The following LIMA1 variants were observed in gnomAD, a reference collection of about 807,000 sequenced individuals.
The protein encoded by LIMA1 is LIM domain and actin binding 1.
A neutral mutation model predicts 62.6 loss-of-function variants in LIMA1; 52 were observed. The ratio of observed to expected loss-of-function variants is 0.83; its 90% CI spans 0.67 to 1.05. The LOEUF is 1.05. Ranked by LOEUF, LIMA1 falls within the 50% of genes least tolerant of loss-of-function variation. The pLI is 0.00. For synonymous variants in LIMA1, 302 were observed against 317.8 expected, an observed-to-expected ratio of 0.95 and a Z score of 0.53; for missense variants, 780 against 902.2, an observed-to-expected ratio of 0.86 and a Z score of 1.74.
rs1487567181 is a variant in LIMA1, at chr12:50,177,882, G to T, written c.1462C>A (p.Pro488Thr). The T allele has an allele frequency of 6.2e-6, 10 of 1,613,428 alleles. No homozygotes were observed. The highest frequency in any genetic ancestry group is 8.5e-6 in the Non-Finnish European group (10 of 1,179,744). Residue 488 changes from proline (P) to threonine (T), a missense_variant, in exon 11 of 11, where the codon CCT (proline) becomes ACT (threonine). Pro to Thr is a conservative substitution (Grantham distance 38). Coordinates refer to ENST00000341247, the MANE Select transcript of LIMA1 (RefSeq NM_016357.5). ...GCATCTTCTACCCCTGGGCTGTGAG[G>T]GGTCTCCCTTGCATTTGCAAGCTGG... ...PAQLANARETPHSPGVEDAPI... is the reference protein window; with the variant it reads ...PAQLANARETTHSPGVEDAPI...
intron 1 of LIMA1, among the ~76,000 whole-genome samples, chr12:50,249,237 G>C (rs899414535): frequency 6.6e-6 from 1 of 152,184 alleles, no homozygotes; most frequent in Non-Finnish European, 1.5e-5. Context: ...AGAGCTGGGG[G>C]CGCAGCGTGG....
intron 1 of LIMA1, among the ~76,000 whole-genome samples, chr12:50,269,525 A>G (rs1942178312): frequency 6.6e-6 from 1 of 152,186 alleles, no homozygotes; most frequent in Non-Finnish European, 1.5e-5. Context: ...AATATCTGAG[A>G]AACTGATGGT....
intron 1 of LIMA1, among the ~76,000 whole-genome samples, chr12:50,254,786 G>A (rs1565859962): frequency 6.6e-6 from 1 of 152,106 alleles, no homozygotes; most frequent in Admixed American, 6.6e-5. Context: ...ACAGCCGGGC[G>A]CGGTGGCTTA....
chr12:50,179,998 C>G (rs1024679100), intron 10 of LIMA1, among the ~76,000 whole-genome samples: 6 of 151,344 alleles, frequency 4.0e-5, no homozygotes, highest in African/African-American at 1.5e-4. Flanking sequence ...AACCCCATCT[C>G]TACTAAGAAA....
chr12:50,203,594 G>A (rs1043136346), intron 6 of LIMA1, among the ~76,000 whole-genome samples: 13 of 151,892 alleles, frequency 8.6e-5, no homozygotes, highest in Non-Finnish European at 1.9e-4. Flanking sequence ...TGTATTTTTA[G>A]TAGAGATGGG....
chr12:50,183,953 GAAAATGTGCAT>G (rs1940570116), intron 9 of LIMA1, among the ~76,000 whole-genome samples: 2 of 151,792 alleles, frequency 1.3e-5, no homozygotes, highest in African/African-American at 4.8e-5. Flanking sequence ...AGTGAGAGCA[GAAAATGTGCAT>G]AAAATGAAAA....
intron 4 of LIMA1, among the ~76,000 whole-genome samples, chr12:50,208,538 T>C (rs1287256252): frequency 2.0e-5 from 3 of 152,072 alleles, no homozygotes; most frequent in East Asian, 1.9e-4. Context: ...TAGTCCCAGG[T>C]ACTCAGAAGG....
chr12:50,193,029 C>T (rs1940815080), intron 8 of LIMA1, among the ~76,000 whole-genome samples: 1 of 151,670 alleles, frequency 6.6e-6, no homozygotes, highest in African/African-American at 2.4e-5. Context: ...TTTGTGTATA[C>T]ATGTAACCTG....
At chr12:50,247,179 A>C (rs1040317257) in intron 2 of LIMA1, among the ~76,000 whole-genome samples, 1 of 151,954 alleles carries the variant, frequency 6.6e-6, no homozygotes, top group Non-Finnish European at 1.5e-5. Flanking sequence ...ATGTCCAAAA[A>C]ATTCTGACAT....
intron 4 of LIMA1, among the ~76,000 whole-genome samples, chr12:50,207,285 G>C (rs559985600): frequency 6.6e-6 from 1 of 152,144 alleles, no homozygotes; most frequent in Non-Finnish European, 1.5e-5. Context: ...ATTTATCTCT[G>C]TCATATCTAA....
intron 3 of LIMA1, among the ~76,000 whole-genome samples, chr12:50,225,122 G>C (rs1941506983): frequency 6.6e-6 from 1 of 151,962 alleles, no homozygotes; most frequent in Non-Finnish European, 1.5e-5. Flanking sequence ...GGCTGGTCTC[G>C]AACTCCCAGC....
chr12:50,213,612 A>G (rs1225358893), intron 4 of LIMA1, among the ~76,000 whole-genome samples: 2 of 152,268 alleles, frequency 1.3e-5, no homozygotes. Flanking sequence ...CACTCATTGT[A>G]ACTCACTGAT....
Position 50,182,012 on chromosome 12 carries a change from G to A in LIMA1, c.1166C>T (p.Thr389Ile). Residue 389 changes from threonine to isoleucine, a missense_variant, in exon 10 of 11, where the codon ACC becomes ATC. Physicochemically the swap from Thr to Ile is moderately conservative, Grantham distance 89 (BLOSUM62 -1). Coordinates refer to ENST00000341247, the MANE Select transcript of LIMA1 (RefSeq NM_016357.5). The part of the protein sequence containing the change: ...MKKFQAPARE[T>I]CVECQKTVYP... ...GACTGTCTTCTGACATTCCACGCAG[G>A]TCTCTCTTGCAGGTGCCTGAAACTT... 4 of 1,612,900 alleles carry A rather than the reference G, an allele frequency of 2.5e-6. No individual in the cohort carries two copies. Among genetic ancestry groups the A allele is most frequent in the Non-Finnish European group, 3.4e-6 (4 of 1,180,020 alleles).
chr12:50,263,466 CAT>C (rs1189587708), intron 1 of LIMA1, among the ~76,000 whole-genome samples: 1 of 152,098 alleles, frequency 6.6e-6, no homozygotes, highest in Non-Finnish European at 1.5e-5. Context: ...TCAGAAGCAA[CAT>C]GTTTGTTTTG....
intron 1 of LIMA1, among the ~76,000 whole-genome samples, chr12:50,271,934 G>C (rs1942216839): frequency 1.3e-5 from 2 of 152,132 alleles, no homozygotes; most frequent in African/African-American, 4.8e-5. Context: ...GCTTAATTAA[G>C]GCAAAATAGT....
At position 50,182,012 on chromosome 12, in the gene LIMA1, G is replaced by T. The variant is rs765875168; in HGVS notation, c.1166C>A (p.Thr389Asn). The change falls in exon 10 of 11, where the codon ACC becomes AAC. Residue 389 changes from threonine (T) to asparagine (N), a missense_variant. Physicochemically the swap from Thr to Asn is moderately conservative, Grantham distance 65. Coordinates refer to ENST00000341247, the MANE Select transcript of LIMA1 (RefSeq NM_016357.5). ...GACTGTCTTCTGACATTCCACGCAG[G>T]TCTCTCTTGCAGGTGCCTGAAACTT... is the stretch of plus-strand genomic sequence containing the variant. ...MKKFQAPARE[T>N]CVECQKTVYP... 3 of 1,612,900 alleles carry T rather than the reference G, an allele frequency of 1.9e-6. No homozygotes were observed. The South Asian group carries it at 3.3e-5, about 18-fold the overall frequency.
chr12:50,245,811 G>A (rs1234010640), intron 2 of LIMA1, among the ~76,000 whole-genome samples: 1 of 152,078 alleles, frequency 6.6e-6, no homozygotes, highest in African/African-American at 2.4e-5. Flanking sequence ...AGTTAGATGT[G>A]AGCCTGAAAG....
intron 2 of LIMA1, chr12:50,234,064 C>G (rs1438779522): frequency 4.5e-6 from 2 of 445,678 alleles, no homozygotes; most frequent in Non-Finnish European, 9.0e-6. Context: ...ATCATTTTGT[C>G]ATTTTTATTA....
At chr12:50,269,641 C>G (rs956513536) in intron 1 of LIMA1, among the ~76,000 whole-genome samples, 2 of 151,918 alleles carry the variant, frequency 1.3e-5, no homozygotes, top group African/African-American at 4.8e-5. Flanking sequence ...ATTTTAGGAG[C>G]GGGCGCAGTG....
Sources: gnomAD v4.1 joint callset for allele counts (sites outside exome capture counted in the v4.1 genomes callset) on GRCh38, gnomAD v4.1.1 for gene constraint, MANE v1.5 for transcripts, NCBI Gene and HGNC (gene_info 2026-07-23, HGNC 2026-07-21) for gene names.